JARID2: variants seen among roughly 807,000 people sequenced by gnomAD.
JARID2 encodes protein Jumonji.
In JARID2, 21 loss-of-function variants were observed where a neutral mutation model predicts 125.6. The observed-to-expected ratio is 0.17, with a 90% CI of 0.12 to 0.24. The LOEUF is 0.24. Ranked by LOEUF, JARID2 falls within the 10% of genes least tolerant of loss-of-function variation. The pLI, the probability that JARID2 is intolerant of heterozygous loss-of-function variation, is 1.00. For synonymous variants in JARID2, 736 were observed against 661.6 expected (o/e 1.11, Z -1.73); for missense variants, 1,303 against 1,639.6 (o/e 0.79, Z 3.55).
chr6:15,330,212 T>A (rs577857252), intron 1 of JARID2, among the ~76,000 whole-genome samples: 18 of 152,386 alleles, frequency 1.2e-4, no homozygotes, highest in African/African-American at 3.6e-4. Flanking sequence ...CTTTGTCTGC[T>A]TTTTCATTCA....
At chr6:15,343,805 G>C (rs1020760899) in intron 1 of JARID2, among the ~76,000 whole-genome samples, 1 of 152,232 alleles carries the variant, frequency 6.6e-6, no homozygotes, top group Non-Finnish European at 1.5e-5. Context: ...GCAAGTGCTG[G>C]TGGTGAGTTG....
At chr6:15,517,079 G>A (rs892256177) in intron 16 of JARID2, 82 bp from the exon 17 acceptor site, 92 of 1,012,984 alleles carry the variant, frequency 9.1e-5, no homozygotes, top group Non-Finnish European at 1.1e-4. Context: ...GTGGCTGCCC[G>A]GCCGGGCGTG....
At chr6:15,502,422 T>C (rs1262051113) in intron 8 of JARID2, among the ~76,000 whole-genome samples, 1 of 152,238 alleles carries the variant, frequency 6.6e-6, no homozygotes, top group Non-Finnish European at 1.5e-5. Context: ...GGAAGCGTTC[T>C]CTGCTCCAGC....
chr6:15,366,516 G>C (rs1189895976), intron 1 of JARID2, among the ~76,000 whole-genome samples: 11 of 133,782 alleles, frequency 8.2e-5, no homozygotes, highest in African/African-American at 3.3e-4. Context: ...GGGCGGGGGG[G>C]GCGGGGGGGG....
chr6:15,342,017 A>G (rs919247072), intron 1 of JARID2, among the ~76,000 whole-genome samples: 3 of 150,840 alleles, frequency 2.0e-5, no homozygotes, highest in Non-Finnish European at 2.9e-5. Context: ...AAGGGGGGGG[A>G]CAGCATTTAT....
intron 5 of JARID2, among the ~76,000 whole-genome samples, chr6:15,486,806 C>CTTTGTTTTTT (rs1769887091): frequency 9.9e-6 from 1 of 100,512 alleles, no homozygotes; most frequent in African/African-American, 4.8e-5. Context: ...TGAGAATAGA[C>CTTTGTTTTTT]TTTTTTTTTT....
At chr6:15,283,457 C>CAGT (rs1459899049) in intron 1 of JARID2, among the ~76,000 whole-genome samples, 3 of 148,396 alleles carry the variant, frequency 2.0e-5, no homozygotes, top group African/African-American at 7.5e-5. Context: ...TCTCCTGCCT[C>CAGT]AGCCTCCCGA....
chr6:15,409,007 C>T (rs74832790), intron 2 of JARID2, among the ~76,000 whole-genome samples: 1,764 of 152,256 alleles, frequency 0.012, 17 homozygotes, highest in Non-Finnish European at 0.019. Context: ...CATGTTATCA[C>T]TCATACTCTG....
chr6:15,442,322 A>G (rs1255862483), intron 3 of JARID2, among the ~76,000 whole-genome samples: 1 of 152,190 alleles, frequency 6.6e-6, no homozygotes, highest in African/African-American at 2.4e-5. Flanking sequence ...GCAAATTAAC[A>G]TTTTAACTCG....
At chr6:15,369,734 A>C (rs886951191) in intron 1 of JARID2, among the ~76,000 whole-genome samples, 1 of 152,238 alleles carries the variant, frequency 6.6e-6, no homozygotes, top group African/African-American at 2.4e-5. Flanking sequence ...ATACAGGAGA[A>C]AGAGTCTGAA....
rs1458153207 is a variant in JARID2, at chr6:15,487,408, G to A, written c.772G>A (p.Ala258Thr). 7.4e-6 allele frequency: 12 copies of A among 1,614,228 alleles called. No individual in the cohort carries two copies. Among genetic ancestry groups the A allele is most frequent in the Non-Finnish European group, 1.0e-5 (12 of 1,180,038 alleles). Residue 258 changes from alanine to threonine, a missense_variant, in exon 6 of 18, where the codon GCT becomes ACT. By Grantham distance (58) the Ala-to-Thr change is moderately conservative. Transcript: ENST00000341776. ...PAKEKHSDHR[A>T]DSRREQASAN... Reference sequence around the variant, plus strand: ...AAAGGAGAAGCACAGCGATCACCGGGCTGACAGCCGCCGGGAGCAGGCTTC... The same window carrying A: ...AAAGGAGAAGCACAGCGATCACCGGACTGACAGCCGCCGGGAGCAGGCTTC...
intron 3 of JARID2, among the ~76,000 whole-genome samples, chr6:15,436,460 G>A (rs1481397759): frequency 2.0e-5 from 3 of 152,178 alleles, no homozygotes; most frequent in African/African-American, 7.2e-5. Context: ...TTGTGTCTAT[G>A]TCTTGCTAGG....
chr6:15,355,926 G>T (rs1250319965), intron 1 of JARID2, among the ~76,000 whole-genome samples: 4 of 152,064 alleles, frequency 2.6e-5, no homozygotes, highest in African/African-American at 4.8e-5. Flanking sequence ...GTACATTTCT[G>T]GAACTTTTTC....
At chr6:15,511,541 C>G (rs9367876) in intron 13 of JARID2, 140 bp downstream of exon 13, 1 of 648,700 alleles carries the variant, frequency 1.5e-6, no homozygotes, top group Non-Finnish European at 2.8e-6. Flanking sequence ...GAAAGGTCCT[C>G]TGACACAAAA....
intron 1 of JARID2, among the ~76,000 whole-genome samples, chr6:15,326,864 A>G (rs182580724): frequency 1.2e-4 from 18 of 152,382 alleles, no homozygotes; most frequent in Non-Finnish European, 2.4e-4. Context: ...TAATGATAAC[A>G]TAATGAGTCA....
chr6:15,379,690 G>T (rs1764505186), intron 2 of JARID2, among the ~76,000 whole-genome samples: 1 of 152,158 alleles, frequency 6.6e-6, no homozygotes, highest in Admixed American at 6.5e-5. Flanking sequence ...CTCACTATTT[G>T]CCAGTTATTG....
intron 3 of JARID2, among the ~76,000 whole-genome samples, chr6:15,412,648 AATG>A (rs1318060784): frequency 2.0e-5 from 3 of 152,174 alleles, no homozygotes; most frequent in Non-Finnish European, 2.9e-5. Flanking sequence ...GCAAGCATAA[AATG>A]ATAACTTAAA....
chr6:15,308,100 T>C lies in JARID2; in HGVS notation c.45+61516T>C, dbSNP rs148564306. Among the ~76,000 whole-genome samples the C allele has an allele frequency of 3.0e-3, 459 of 152,364 alleles. 4 individuals carry two copies. Among genetic ancestry groups the C allele is most frequent in the African/African-American group, 0.01 (434 of 41,588 alleles). On this transcript the variant is annotated intron_variant, in intron 1 of 17. Transcript: ENST00000341776. ...TGGTTTTCTGAAAGGGTGCAGGGAATACCCTCACCCCTTAGCAGCTTCTAG... is the reference window on the plus strand; with the variant it reads ...TGGTTTTCTGAAAGGGTGCAGGGAACACCCTCACCCCTTAGCAGCTTCTAG...
At chr6:15,364,052 C>T (rs1763888259) in intron 1 of JARID2, among the ~76,000 whole-genome samples, 1 of 152,158 alleles carries the variant, frequency 6.6e-6, no homozygotes, top group Non-Finnish European at 1.5e-5. Context: ...TATAACATGA[C>T]CAGAGATAAC....
Sources: gnomAD v4.1 joint callset for allele counts (sites outside exome capture counted in the v4.1 genomes callset) on GRCh38, gnomAD v4.1.1 for gene constraint, MANE v1.5 for transcripts, NCBI Gene and HGNC (gene_info 2026-07-23, HGNC 2026-07-21) for gene names.